The following LCP1 variants were observed in gnomAD, a reference collection of about 807,000 sequenced individuals.
The protein encoded by LCP1 is lymphocyte cytosolic protein 1.
Under a neutral mutation model 72.0 loss-of-function variants are expected in LCP1, and 23 were observed. The ratio of observed to expected loss-of-function variants is 0.32; its 90% CI spans 0.23 to 0.45. LCP1 has a LOEUF of 0.45. Among genes scored for constraint, LCP1 ranks in the 20% least tolerant of loss-of-function variants. The pLI, the probability that LCP1 is intolerant of heterozygous loss-of-function variation, is 1.00. For synonymous variants in LCP1, 245 were observed against 275.4 expected (o/e 0.89, Z 1.09); for missense variants, 571 against 748.3 (o/e 0.76, Z 2.76).
rs373388243 is a variant in LCP1 at position 46,144,422 on chromosome 13, G to T, written c.1253+20C>A. On this transcript the variant is annotated intron_variant, in intron 11 of 15. Coordinates refer to ENST00000323076, the MANE Select transcript of LCP1 (RefSeq NM_002298.5). ...TGAGGTCTCTATCTTACATTAGAAT[G>T]AGTTCCCAAATATTCCTACCTGTAC... 3.2e-6 allele frequency: 5 copies of T among 1,575,394 alleles called. No individual in the cohort carries two copies. The highest frequency in any genetic ancestry group is 1.4e-5 in the African/African-American group (1 of 74,040).
intron 13 of LCP1, among the ~76,000 whole-genome samples, chr13:46,137,256 G>A (rs927230147): frequency 1.3e-5 from 2 of 151,928 alleles, no homozygotes; most frequent in African/African-American, 4.8e-5. Flanking sequence ...AATTAGGCTG[G>A]GCCGGGCACG....
In LCP1 at chr13:46,146,906, A is replaced by G; in HGVS notation, c.1174+2T>C. 1 of 1,614,078 alleles carries G rather than the reference A, an allele frequency of 6.2e-7. No homozygotes were observed. Among genetic ancestry groups the G allele is most frequent in the Non-Finnish European group, 8.5e-7 (1 of 1,179,962 alleles). The stretch of plus-strand genomic sequence containing the variant: ...CATCTTAGGCAAATCGTTTACAGTT[A>G]CCTTCAAGAGCCCCCCAGTCAATGT... On this transcript the variant is annotated splice_donor_variant, in intron 10 of 15. Coordinates refer to ENST00000323076, the MANE Select transcript of LCP1 (RefSeq NM_002298.5). LOFTEE classifies it high-confidence loss of function.
Position 46,158,666 on chromosome 13 carries a change from T to C in LCP1, c.229-15A>G, listed in dbSNP as rs2045818631. 1 of 1,613,928 alleles carries C rather than the reference T, an allele frequency of 6.2e-7. No homozygotes were observed. The highest frequency in any genetic ancestry group is 2.2e-5 in the East Asian group (1 of 44,896). On this transcript the variant is annotated splice_polypyrimidine_tract_variant and intron_variant, in intron 3 of 15. Coordinates refer to ENST00000323076, the MANE Select transcript of LCP1 (RefSeq NM_002298.5). The stretch of plus-strand genomic sequence containing the variant: ...CCATGGAAAATCTGCAAAAATATAA[T>C]GTATCTTTAGAAACTCAAGCAGTGA...
chr13:46,154,760 G>T, intron 6 of LCP1, 45 bp downstream of exon 6: 2 of 1,515,694 alleles, frequency 1.3e-6, no homozygotes, highest in Non-Finnish European at 9.2e-7. Flanking sequence ...GATGCTCATT[G>T]ATGCCAAACA....
Position 46,127,335 on chromosome 13 carries a change from TC to T in LCP1, c.*255del. Reference sequence around the variant, plus strand: ...AAGGGTACCTGGAAAATAACTTCTTTCTTTTCCTCTAGATTTTCGAAGAAGC... The same window carrying T: ...AAGGGTACCTGGAAAATAACTTCTTTTTTTCCTCTAGATTTTCGAAGAAGC... On this transcript the variant is annotated 3_prime_UTR_variant, in exon 16 of 16. Coordinates refer to ENST00000323076, the MANE Select transcript of LCP1 (RefSeq NM_002298.5). The T allele has an allele frequency of 2.6e-6, 1 of 377,432 alleles. No homozygotes were observed. The highest frequency in any genetic ancestry group is 4.7e-6 in the Non-Finnish European group (1 of 211,198). 23.4% of individuals were successfully genotyped at this position (377,432 alleles called of 1,614,324 possible).
rs2045907488 is a variant in LCP1 at position 46,172,119 on chromosome 13, T to C, written c.-25+9992A>G. On this transcript the variant is annotated intron_variant, in intron 1 of 15. Coordinates refer to ENST00000323076, the MANE Select transcript of LCP1 (RefSeq NM_002298.5). ...TTCCAGAGAAGGTGATGTTGCCCACTGAGCTAAGTCTTAGGGAACCAGTAG... is the reference window on the plus strand; with the variant it reads ...TTCCAGAGAAGGTGATGTTGCCCACCGAGCTAAGTCTTAGGGAACCAGTAG... 2.0e-5 allele frequency among the ~76,000 whole-genome samples: 3 copies of C among 152,358 alleles called. 1 individual carries two copies. The highest frequency in any genetic ancestry group is 4.1e-4 in the South Asian group (2 of 4,828).
rs2138233512 is a variant in LCP1, at chr13:46,142,428, G to A, written c.1369-3C>T. ...ACCGCGTAGTTACAATTCTCAAGCT[G>A]AATGAGCAGAAAGGAAAACGATTTA... On this transcript the variant is annotated splice_polypyrimidine_tract_variant and splice_region_variant and intron_variant, in intron 12 of 15. Coordinates refer to ENST00000323076, the MANE Select transcript of LCP1 (RefSeq NM_002298.5). 1 of 1,612,880 alleles carries A rather than the reference G, an allele frequency of 6.2e-7. No individual in the cohort carries two copies. Among genetic ancestry groups the A allele is most frequent in the Non-Finnish European group, 8.5e-7 (1 of 1,179,130 alleles).
intron 1 of LCP1, among the ~76,000 whole-genome samples, chr13:46,171,626 TACTAAAGATACCAAGATGA>T (rs1280276300): frequency 6.6e-5 from 10 of 152,188 alleles, no homozygotes; most frequent in Non-Finnish European, 1.2e-4. Context: ...TTGTCCTAAG[TACTAAAGATACCAAGATGA>T]ACAGCAGAGA....
chr13:46,137,498 C>T (rs9534339), intron 13 of LCP1, among the ~76,000 whole-genome samples: 43,857 of 151,960 alleles, frequency 0.29, 6,507 homozygotes, highest in South Asian at 0.44. Flanking sequence ...TGAGATCGCA[C>T]CATTGCACTC....
chr13:46,158,508 G>A lies in LCP1; in HGVS notation c.358+14C>T, dbSNP rs1360502976. 6.2e-7 allele frequency: 1 copy of A among 1,611,462 alleles called. No individual in the cohort carries two copies. The highest frequency in any genetic ancestry group is 2.2e-5 in the East Asian group (1 of 44,870). ...AATCCTGAAATCCTGCTCCAACCCA[G>A]GAGTTGAGCCTACCTGAATAGGAGT... On this transcript the variant is annotated intron_variant, in intron 4 of 15. Transcript: ENST00000323076.
intron 1 of LCP1, among the ~76,000 whole-genome samples, chr13:46,172,994 T>C (rs2209093): frequency 0.18 from 26,873 of 152,102 alleles, 2,649 homozygotes; most frequent in East Asian, 0.34. Flanking sequence ...CACAAGTCAG[T>C]TGGCATTTTA....
intron 1 of LCP1, among the ~76,000 whole-genome samples, chr13:46,174,844 A>G (rs2045920785): frequency 1.4e-5 from 2 of 144,228 alleles, no homozygotes; most frequent in South Asian, 2.1e-4. Context: ...CAAAAAAAAA[A>G]AAAAAAAGAA....
At chr13:46,163,231 T>C (rs1483716685) in intron 1 of LCP1, among the ~76,000 whole-genome samples, 2 of 152,172 alleles carry the variant, frequency 1.3e-5, no homozygotes, top group African/African-American at 4.8e-5. Context: ...AGAAATCAGA[T>C]TGTTGCTGTG....
chr13:46,137,296 G>C (rs901370877), intron 13 of LCP1, among the ~76,000 whole-genome samples: 5 of 152,054 alleles, frequency 3.3e-5, no homozygotes, highest in Non-Finnish European at 5.9e-5. Flanking sequence ...CGAGCACTTT[G>C]GGAGGCCGAG....
At chr13:46,156,637 G>A in intron 4 of LCP1, 67 bp from the exon 5 acceptor site, 2 of 1,540,904 alleles carry the variant, frequency 1.3e-6, no homozygotes, top group African/African-American at 1.4e-5. Flanking sequence ...AATTATGCAT[G>A]TGGATCTTAA....
intron 10 of LCP1, among the ~76,000 whole-genome samples, chr13:46,144,797 GA>G (rs534798466): frequency 6.6e-6 from 1 of 152,048 alleles, no homozygotes; most frequent in Non-Finnish European, 1.5e-5. Flanking sequence ...CTTCTTGCTG[GA>G]AAAAACAGGA....
chr13:46,155,452 C>A (rs1320040701), intron 5 of LCP1, among the ~76,000 whole-genome samples: 5 of 152,058 alleles, frequency 3.3e-5, no homozygotes, highest in Non-Finnish European at 7.4e-5. Flanking sequence ...TGGGTGGCAA[C>A]CTAAAAGCTA....
At chr13:46,134,331 T>C in intron 13 of LCP1, 81 bp from the exon 14 acceptor site, 3 of 1,409,726 alleles carry the variant, frequency 2.1e-6, no homozygotes, top group Non-Finnish European at 2.9e-6. Context: ...GGATGGAATT[T>C]TTTTTTCGGG....
chr13:46,156,606 G>A, intron 4 of LCP1, 36 bp from the exon 5 acceptor site: 2 of 1,612,980 alleles, frequency 1.2e-6, no homozygotes, highest in Admixed American at 1.7e-5. Context: ...CATTTGCAAA[G>A]TGAAACTCTA....
Sources: allele counts gnomAD v4.1 joint callset (sites outside exome capture counted in the v4.1 genomes callset), GRCh38; gene constraint gnomAD v4.1.1; transcripts MANE v1.5; gene names NCBI Gene and HGNC (gene_info 2026-07-23, HGNC 2026-07-21).